ARHGEF26: variants seen among roughly 807,000 people sequenced by gnomAD.
ARHGEF26 encodes the protein Rho guanine nucleotide exchange factor 26.
Under a neutral mutation model 89.4 loss-of-function variants are expected in ARHGEF26, and 59 were observed. That is an observed-to-expected ratio of 0.66 (90% CI 0.54 to 0.82). ARHGEF26 has a LOEUF of 0.82. ARHGEF26 is among the 40% of genes least tolerant of loss of function. The pLI, the probability that ARHGEF26 is intolerant of heterozygous loss-of-function variation, is 0.00. For missense variants in ARHGEF26, 1,234 were observed against 1,085.6 expected (o/e 1.14, Z -1.92); for synonymous variants, 500 against 428.4 (o/e 1.17, Z -2.06).
intron 11 of ARHGEF26, among the ~76,000 whole-genome samples, chr3:154,235,052 G>C (rs1386063422): frequency 6.6e-6 from 1 of 151,908 alleles, no homozygotes; most frequent in Non-Finnish European, 1.5e-5. Context: ...CATAAGGCTA[G>C]TTTATTCTTT....
intron 12 of ARHGEF26, among the ~76,000 whole-genome samples, chr3:154,244,459 G>GACA (rs1380729913): frequency 6.6e-6 from 1 of 152,132 alleles, no homozygotes; most frequent in Non-Finnish European, 1.5e-5. Context: ...AGGGACCCAT[G>GACA]GGTGTTTCTA....
intron 9 of ARHGEF26, among the ~76,000 whole-genome samples, chr3:154,213,464 C>T (rs1715525048): frequency 6.6e-6 from 1 of 152,000 alleles, no homozygotes; most frequent in African/African-American, 2.4e-5. Flanking sequence ...TGCACCATTG[C>T]TTAAGACATC....
rs762802991 is a variant in ARHGEF26, at chr3:154,152,959, TC to T, written c.1487+28del. The T allele has an allele frequency of 9.3e-6, 14 of 1,502,270 alleles. No homozygotes were observed. The Admixed American group carries it at 1.6e-4, about 17-fold the overall frequency. 93.1% of individuals were successfully genotyped at this position (1,502,270 alleles called of 1,614,324 possible). ...TAAGTGCACTGCAGTCTGCCTTTGG[TC>T]GTGCCAAGAAGTTGCGTACTAATAA... On this transcript the variant is annotated intron_variant, in intron 6 of 14. Coordinates refer to ENST00000465093, the MANE Select transcript of ARHGEF26 (RefSeq NM_015595.4).
intron 6 of ARHGEF26, among the ~76,000 whole-genome samples, chr3:154,156,637 G>C (rs1298277108): frequency 6.6e-6 from 1 of 152,088 alleles, no homozygotes; most frequent in Non-Finnish European, 1.5e-5. Context: ...ACTCATTTCA[G>C]ATACAGCCTT....
At chr3:154,241,959 G>T (rs777835242) in intron 12 of ARHGEF26, among the ~76,000 whole-genome samples, 5 of 152,234 alleles carry the variant, frequency 3.3e-5, no homozygotes, top group Non-Finnish European at 4.4e-5. Context: ...GAGCCTAGGA[G>T]AAGGTACAGA....
chr3:154,250,968 GA>G (rs1355460338), intron 12 of ARHGEF26, among the ~76,000 whole-genome samples: 2 of 150,874 alleles, frequency 1.3e-5, no homozygotes, highest in African/African-American at 2.5e-5. Context: ...GTATTAGAGA[GA>G]GAGAGAGAGA....
intron 4 of ARHGEF26, among the ~76,000 whole-genome samples, chr3:154,136,526 A>C (rs1172681300): frequency 2.0e-5 from 3 of 152,170 alleles, no homozygotes; most frequent in Non-Finnish European, 4.4e-5. Context: ...CATTCCATTG[A>C]AAATGCAGCA....
intron 4 of ARHGEF26, among the ~76,000 whole-genome samples, chr3:154,140,781 A>G (rs1386337513): frequency 6.6e-6 from 1 of 151,654 alleles, no homozygotes; most frequent in Non-Finnish European, 1.5e-5. Flanking sequence ...GGGTTTTGTT[A>G]TGTTGGTCAG....
intron 5 of ARHGEF26, among the ~76,000 whole-genome samples, chr3:154,149,720 AAATG>A (rs1719904403): frequency 6.6e-6 from 1 of 152,296 alleles, no homozygotes; most frequent in Non-Finnish European, 1.5e-5. Flanking sequence ...ATATGATAAA[AAATG>A]AAACCAACAT....
rs1418264789 is a variant in ARHGEF26, at chr3:154,122,907, A to G, written c.915A>G (p.Pro305=). 5 of 1,613,244 alleles carry G rather than the reference A, an allele frequency of 3.1e-6. No individual in the cohort carries two copies. Among genetic ancestry groups the G allele is most frequent in the African/African-American group, 1.3e-5 (1 of 74,932 alleles). ...AGGTCGATAACGACGTGGATAGCCCAGGGTCTCTGCGGAGAGGCTTGCGGT... is the reference window on the plus strand; with the variant it reads ...AGGTCGATAACGACGTGGATAGCCCGGGGTCTCTGCGGAGAGGCTTGCGGT... ...ESEVDNDVDS[P]GSLRRGLRST... Residue 305 remains proline (P), a synonymous_variant, in exon 2 of 15, where the codon CCA becomes CCG. Transcript: ENST00000465093.
At chr3:154,216,040 A>G (rs16846934) in intron 9 of ARHGEF26, among the ~76,000 whole-genome samples, 1,623 of 152,258 alleles carry the variant, frequency 0.011, 23 homozygotes, top group African/African-American at 0.037. Flanking sequence ...AAAGTGTATG[A>G]CCCAGTCTGT....
chr3:154,216,512 T>TTTTTA (rs1715755850), intron 9 of ARHGEF26, among the ~76,000 whole-genome samples: 2 of 147,310 alleles, frequency 1.4e-5, no homozygotes, highest in African/African-American at 5.0e-5. Context: ...ATTTTTTATT[T>TTTTTA]TTTTTTTATG....
At chr3:154,213,553 G>C (rs184825) in intron 9 of ARHGEF26, among the ~76,000 whole-genome samples, 133,414 of 152,150 alleles carry the variant, frequency 0.88, 58,621 homozygotes, top group East Asian at 1. Context: ...CATGACTCCA[G>C]CTTTTGCTGA....
chr3:154,123,560 G>A (rs1718135127), intron 2 of ARHGEF26, among the ~76,000 whole-genome samples: 1 of 152,150 alleles, frequency 6.6e-6, no homozygotes, highest in Admixed American at 6.5e-5. Context: ...AATTTTGAGT[G>A]GTTACTACGC....
chr3:154,132,802 A>G (rs1283483237), intron 4 of ARHGEF26, among the ~76,000 whole-genome samples: 2 of 152,108 alleles, frequency 1.3e-5, no homozygotes, highest in Non-Finnish European at 2.9e-5. Context: ...TATATATTAA[A>G]CCTAGCATCA....
At chr3:154,143,669 C>T (rs1719520749) in intron 4 of ARHGEF26, among the ~76,000 whole-genome samples, 1 of 152,226 alleles carries the variant, frequency 6.6e-6, no homozygotes, top group Non-Finnish European at 1.5e-5. Flanking sequence ...TTAACTTTAC[C>T]ACCATTCCCA....
chr3:154,206,211 C>T lies in ARHGEF26; in HGVS notation c.1845+11493C>T, dbSNP rs148444503. Among the ~76,000 whole-genome samples, 338 of 152,182 alleles carry T rather than the reference C, an allele frequency of 2.2e-3. 2 individuals are homozygous for T. Among genetic ancestry groups the T allele is most frequent in the African/African-American group, 7.7e-3 (321 of 41,538 alleles). ...TTCAGCACTTGAAATATGTCATGCCCCTCTCTCCTGGCCTGTAAGCTTTCC... is the reference window on the plus strand; with the variant it reads ...TTCAGCACTTGAAATATGTCATGCCTCTCTCTCCTGGCCTGTAAGCTTTCC... On this transcript the variant is annotated intron_variant, in intron 9 of 14. Coordinates refer to ENST00000465093, the MANE Select transcript of ARHGEF26 (RefSeq NM_015595.4).
At chr3:154,215,965 A>C (rs1715699731) in intron 9 of ARHGEF26, among the ~76,000 whole-genome samples, 1 of 152,186 alleles carries the variant, frequency 6.6e-6, no homozygotes, top group Admixed American at 6.5e-5. Flanking sequence ...ATTTCCAAAA[A>C]AGAAAAATTT....
Position 154,217,889 on chromosome 3 carries a change from G to A in ARHGEF26, c.1866G>A (p.Glu622=), listed in dbSNP as rs1043971555. Residue 622 remains glutamate (E), a synonymous_variant, in exon 10 of 15, where the codon GAG becomes GAA. Transcript: ENST00000465093. The part of the protein sequence containing the change: ...EVSKLVRLCN[E]GARKMERTEM... The stretch of plus-strand genomic sequence containing the variant: ...CCCAGTTGGTTCGACTATGCAATGA[G>A]GGCGCCCGGAAGATGGAAAGGACTG... The A allele has an allele frequency of 6.2e-7, 1 of 1,601,328 alleles. No homozygotes were observed. The highest frequency in any genetic ancestry group is 8.5e-7 in the Non-Finnish European group (1 of 1,173,628).
Sources: allele counts gnomAD v4.1 joint callset (sites outside exome capture counted in the v4.1 genomes callset), GRCh38; gene constraint gnomAD v4.1.1; transcripts MANE v1.5; gene names NCBI Gene and HGNC (gene_info 2026-07-23, HGNC 2026-07-21).